CMTM3: variants seen among roughly 807,000 people sequenced by gnomAD.
The protein encoded by CMTM3 is CKLF like MARVEL transmembrane domain containing 3, also known as CKLF-like MARVEL transmembrane domain-containing protein 3.
CMTM3 carries 7 observed loss-of-function variants against 18.2 expected under a neutral mutation model. The observed-to-expected ratio is 0.38, with a 90% CI of 0.22 to 0.72. The LOEUF is 0.72. CMTM3 is among the 30% of genes least tolerant of loss of function. The pLI is 0.46. For missense variants in CMTM3, 227 were observed against 249.2 expected, an observed-to-expected ratio of 0.91 and a Z score of 0.60; for synonymous variants, 109 against 111.2, an observed-to-expected ratio of 0.98 and a Z score of 0.12.
In CMTM3 at chr16:66,604,783, C is replaced by T; in HGVS notation, c.-23C>T. ...GAGAAGAGGGGAGCCAGGCCGAGCC[C>T]CGGCCCTACCGCCGCCGCCGCCATG... On this transcript the variant is annotated 5_prime_UTR_variant, in exon 1 of 5. Transcript: ENST00000567572. The T allele has an allele frequency of 8.0e-7, 1 of 1,242,918 alleles. No individual in the cohort carries two copies. The highest frequency in any genetic ancestry group is 1.0e-6 in the Non-Finnish European group (1 of 996,848). The allele number at this position is 1,242,918 out of a possible 1,614,324, so 77.0% of individuals were successfully genotyped here. A position where few individuals can be genotyped will look rare whatever the true frequency, so the allele number is the denominator to read the frequency against.
chr16:66,609,772 AC>A lies in CMTM3; in HGVS notation c.400-110del. The A allele has an allele frequency of 1.2e-6, 2 of 1,605,796 alleles. No individual in the cohort carries two copies. The highest frequency in any genetic ancestry group is 1.7e-6 in the Non-Finnish European group (2 of 1,176,048). ...CGTTACTCACAGGGGTCTGTGCCTG[AC>A]ACTCGGGCTGTTTGTCCAAGCAGAT... On this transcript the variant is annotated intron_variant, in intron 3 of 4. Transcript: ENST00000567572. This position sits in a 1 kb window ranked among gnomAD's most constrained non-coding sequence, Gnocchi z 4.4.
chr16:66,612,622 C>A lies in CMTM3; in HGVS notation c.534C>A (p.Asp178Glu). The change falls in exon 5 of 5, where the codon GAC becomes GAA. Residue 178 changes from aspartate (D) to glutamate (E), a missense_variant. Physicochemically the swap from Asp to Glu is conservative, Grantham distance 45 (BLOSUM62 2). Coordinates refer to ENST00000567572, the MANE Select transcript of CMTM3 (RefSeq NM_181553.4). The surrounding 1 kb of genome is among the most constrained non-coding windows in gnomAD (Gnocchi z 6.0). ...TAHKTEEENSDSDSD is the reference protein window; with the variant it reads ...TAHKTEEENSESDSD ...CTTTCCTTTCAGAAGAGAATTCCGA[C>A]TCGGACTCTGACTGAAGGCCTGGCG... 1 of 1,614,118 alleles carries A rather than the reference C, an allele frequency of 6.2e-7. No individual in the cohort carries two copies. Among genetic ancestry groups the A allele is most frequent in the South Asian group, 1.1e-5 (1 of 91,050 alleles).
In CMTM3 at chr16:66,612,940, A is replaced by G. The variant is rs1010486890; in HGVS notation, c.*303A>G. On this transcript the variant is annotated 3_prime_UTR_variant, in exon 5 of 5. Transcript: ENST00000567572. The surrounding 1 kb of genome is among the most constrained non-coding windows in gnomAD (Gnocchi z 6.0). ...TGCCAAAAACCAGCACAAGGAGACAAAGCAGAGCCTTGTCTGTATCTGGGC... is the reference window on the plus strand; with the variant it reads ...TGCCAAAAACCAGCACAAGGAGACAGAGCAGAGCCTTGTCTGTATCTGGGC... 4 of 649,006 alleles carry G rather than the reference A, an allele frequency of 6.2e-6. No individual in the cohort carries two copies. The highest frequency in any genetic ancestry group is 1.1e-5 in the Non-Finnish European group (4 of 357,672). 40.2% of individuals were successfully genotyped at this position (649,006 alleles called of 1,614,324 possible).
In CMTM3 at chr16:66,612,646, C is replaced by T. The variant is rs201174505; in HGVS notation, c.*9C>T. 157 of 1,613,788 alleles carry T rather than the reference C, an allele frequency of 9.7e-5. No individual in the cohort carries two copies. The highest frequency in any genetic ancestry group is 3.6e-4 in the East Asian group (16 of 44,878). Reference sequence around the variant, plus strand: ...ACTCGGACTCTGACTGAAGGCCTGGCGGGTGCCTTGGCAACCTGAGCCACA... The same window carrying T: ...ACTCGGACTCTGACTGAAGGCCTGGTGGGTGCCTTGGCAACCTGAGCCACA... On this transcript the variant is annotated 3_prime_UTR_variant, in exon 5 of 5. Transcript: ENST00000567572. The surrounding 1 kb of genome is among the most constrained non-coding windows in gnomAD (Gnocchi z 6.0).
chr16:66,606,012 G>C (rs760906399), intron 1 of CMTM3, among the ~76,000 whole-genome samples: 2 of 151,988 alleles, frequency 1.3e-5, no homozygotes, highest in Non-Finnish European at 2.9e-5. Context: ...ACCGTCCCCA[G>C]AGTGGCTTGA....
At position 66,605,563 on chromosome 16, in the gene CMTM3, G is replaced by A. The variant is rs1597204014; in HGVS notation, c.147+611G>A. 6.6e-6 allele frequency: 1 copy of A among 152,490 alleles called. No homozygotes were observed. Among genetic ancestry groups the A allele is most frequent in the East Asian group, 1.9e-4 (1 of 5,196 alleles). The allele number at this position is 152,490 out of a possible 1,614,324, so 9.4% of individuals were successfully genotyped here. A position where few individuals can be genotyped will look rare whatever the true frequency, so the allele number is the denominator to read the frequency against. The stretch of plus-strand genomic sequence containing the variant: ...ACCGGAGGCGCCCGCACTGTCCGCT[G>A]TGGGGTAGGGGTGGCGCTGGGCCGT... On this transcript the variant is annotated intron_variant, in intron 1 of 4. Coordinates refer to ENST00000567572, the MANE Select transcript of CMTM3 (RefSeq NM_181553.4). This position sits in a 1 kb window ranked among gnomAD's most constrained non-coding sequence, Gnocchi z 4.6.
rs768223155 is a variant in CMTM3 at position 66,608,479 on chromosome 16, C to A, written c.303+15C>A. 12 of 1,612,862 alleles carry A rather than the reference C, an allele frequency of 7.4e-6. No homozygotes were observed. The Admixed American group carries it at 1.7e-4, about 22-fold the overall frequency. The stretch of plus-strand genomic sequence containing the variant: ...GGCCCATGATGGTGAGGACAGGGGC[C>A]CCAGGAGGGAGGGGTGCCCTGCACA... On this transcript the variant is annotated intron_variant, in intron 2 of 4. Transcript: ENST00000567572. This position sits in a 1 kb window ranked among gnomAD's most constrained non-coding sequence, Gnocchi z 5.1.
intron 1 of CMTM3, among the ~76,000 whole-genome samples, chr16:66,606,819 C>A (rs776568872): frequency 2.6e-5 from 4 of 152,158 alleles, no homozygotes; most frequent in Non-Finnish European, 4.4e-5. Flanking sequence ...ATGGTGAAAC[C>A]CTGTCTCTAC....
Position 66,613,345 on chromosome 16 carries a change from G to A in CMTM3, c.*708G>A. On this transcript the variant is annotated 3_prime_UTR_variant, in exon 5 of 5. Coordinates refer to ENST00000567572, the MANE Select transcript of CMTM3 (RefSeq NM_181553.4). ...GACTGACTGGTCCAGAAGACAGAGG[G>A]TACAACAGTGGCATCACAGTGACAG... 1.9e-6 allele frequency: 1 copy of A among 538,572 alleles called. No individual in the cohort carries two copies. Among genetic ancestry groups the A allele is most frequent in the Non-Finnish European group, 3.3e-6 (1 of 299,936 alleles). The allele number at this position is 538,572 out of a possible 1,614,324, so 33.4% of individuals were successfully genotyped here.
chr16:66,604,612 C>T, upstream of CMTM3: 2 of 385,004 alleles, frequency 5.2e-6, no homozygotes, highest in African/African-American at 2.2e-5. Context: ...CAGCATCCCC[C>T]GCAGCCGGGG....
At chr16:66,607,788 T>C (rs925395091) in intron 1 of CMTM3, among the ~76,000 whole-genome samples, 1 of 150,234 alleles carries the variant, frequency 6.7e-6, no homozygotes, top group South Asian at 2.1e-4. Context: ...CTCAGGGCCA[T>C]GCCCAGGACT....
rs1045807363 is a variant in CMTM3, at chr16:66,605,830, C to G, written c.147+878C>G. ...GGGGATTCTGCTCCGGGACCTCTCC[C>G]TGGTCACTCAGGGCAGAGGGCAGAA... On this transcript the variant is annotated intron_variant, in intron 1 of 4. Coordinates refer to ENST00000567572, the MANE Select transcript of CMTM3 (RefSeq NM_181553.4). The surrounding 1 kb of genome is among the most constrained non-coding windows in gnomAD (Gnocchi z 4.6). 1.3e-5 allele frequency among the ~76,000 whole-genome samples: 2 copies of G among 152,206 alleles called. No individual in the cohort carries two copies. Among genetic ancestry groups the G allele is most frequent in the East Asian group, 3.9e-4 (2 of 5,174 alleles).
intron 1 of CMTM3, among the ~76,000 whole-genome samples, chr16:66,606,423 C>T (rs1189675085): frequency 6.6e-6 from 1 of 152,146 alleles, no homozygotes; most frequent in Non-Finnish European, 1.5e-5. Context: ...GCCTCCCAGC[C>T]CGTCTCTATG....
chr16:66,610,323 A>G lies in CMTM3; in HGVS notation c.520+320A>G, dbSNP rs2015329735. ...GGGCACCTGTCCACCTGGGATCCAGAGTGGCCATCCCCCAAACCCAGCCCC... is the reference window on the plus strand; with the variant it reads ...GGGCACCTGTCCACCTGGGATCCAGGGTGGCCATCCCCCAAACCCAGCCCC... On this transcript the variant is annotated intron_variant, in intron 4 of 4. Transcript: ENST00000567572. This position sits in a 1 kb window ranked among gnomAD's most constrained non-coding sequence, Gnocchi z 4.6. Among the ~76,000 whole-genome samples, 2 of 152,078 alleles carry G rather than the reference A, an allele frequency of 1.3e-5. No individual in the cohort carries two copies. Among genetic ancestry groups the G allele is most frequent in the African/African-American group, 4.8e-5 (2 of 41,394 alleles).
chr16:66,606,248 A>G (rs1051961227), intron 1 of CMTM3, among the ~76,000 whole-genome samples: 1 of 152,140 alleles, frequency 6.6e-6, no homozygotes, highest in Non-Finnish European at 1.5e-5. Flanking sequence ...GCTGAGATGG[A>G]CAGAAACAGA....
At position 66,609,934 on chromosome 16, in the gene CMTM3, T is replaced by C. The variant is rs753462514; in HGVS notation, c.451T>C (p.Phe151Leu). Residue 151 changes from phenylalanine to leucine, a missense_variant, in exon 4 of 5, where the codon TTT becomes CTT. Coordinates refer to ENST00000567572, the MANE Select transcript of CMTM3 (RefSeq NM_181553.4). This position sits in a 1 kb window ranked among gnomAD's most constrained non-coding sequence, Gnocchi z 4.4. ...IVFATDFYLI[F>L]NDVAKFLKQG... ...GTTTGCAACTGATTTCTACCTGATC[T>C]TTAACGACGTGGCCAAATTCCTCAA... is the stretch of plus-strand genomic sequence containing the variant. The C allele has an allele frequency of 2.5e-6, 4 of 1,614,052 alleles. No individual in the cohort carries two copies. In the African/African-American group the frequency reaches 5.3e-5, roughly 22 times the overall value.
At position 66,608,231 on chromosome 16, in the gene CMTM3, C is replaced by A; in HGVS notation, c.148-78C>A. On this transcript the variant is annotated intron_variant, in intron 1 of 4. Coordinates refer to ENST00000567572, the MANE Select transcript of CMTM3 (RefSeq NM_181553.4). This position sits in a 1 kb window ranked among gnomAD's most constrained non-coding sequence, Gnocchi z 5.1. ...CTGCTGGAACCTCCTCTATCCTGAC[C>A]ACAGGGCCTGGCTCAGAGGAGCACT... 1 of 1,538,470 alleles carries A rather than the reference C, an allele frequency of 6.5e-7. No individual in the cohort carries two copies. The highest frequency in any genetic ancestry group is 8.9e-7 in the Non-Finnish European group (1 of 1,122,384).
Position 66,608,889 on chromosome 16 carries a change from G to A in CMTM3, c.303+425G>A, listed in dbSNP as rs1221587512. ...ATCACCTGTGAGGGCCCAGACCCCA[G>A]TGGACCTCGCTGAATGAAATGTGTC... is the stretch of plus-strand genomic sequence containing the variant. On this transcript the variant is annotated intron_variant, in intron 2 of 4. Coordinates refer to ENST00000567572, the MANE Select transcript of CMTM3 (RefSeq NM_181553.4). The surrounding 1 kb of genome is among the most constrained non-coding windows in gnomAD (Gnocchi z 5.1). Among the ~76,000 whole-genome samples, 2 of 152,090 alleles carry A rather than the reference G, an allele frequency of 1.3e-5. No homozygotes were observed. The highest frequency in any genetic ancestry group is 2.9e-5 in the Non-Finnish European group (2 of 68,040).
intron 1 of CMTM3, among the ~76,000 whole-genome samples, chr16:66,607,700 A>G (rs1354160815): frequency 1.3e-5 from 2 of 152,020 alleles, no homozygotes; most frequent in Admixed American, 1.3e-4. Context: ...CAGGGCACTG[A>G]GTGGAGTGCA....
Sources: gnomAD v4.1 joint callset for allele counts (sites outside exome capture counted in the v4.1 genomes callset) on GRCh38, gnomAD v4.1.1 for gene constraint, Gnocchi (gnomAD v3.1) non-coding constraint, MANE v1.5 for transcripts, NCBI Gene and HGNC (gene_info 2026-07-23, HGNC 2026-07-21) for gene names.